Variants in TAFA3 observed in about 807,000 individuals in gnomAD.
The protein encoded by TAFA3 is chemokine-like protein TAFA-3.
Under a neutral mutation model 20.7 loss-of-function variants are expected in TAFA3, and 17 were observed. That is an observed-to-expected ratio of 0.82 (90% CI 0.56 to 1.23). TAFA3 has a LOEUF of 1.23. TAFA3 is among the 50% of genes most tolerant of loss of function. The pLI, the probability that TAFA3 is intolerant of heterozygous loss-of-function variation, is 0.00. For missense variants in TAFA3, 174 were observed against 172.8 expected, an observed-to-expected ratio of 1.01 and a Z score of -0.04; for synonymous variants, 74 against 71.8, an observed-to-expected ratio of 1.03 and a Z score of -0.16.
In TAFA3 at chr1:112,723,445, C is replaced by T. The variant is rs117257087; in HGVS notation, c.265+280C>T. Reference sequence around the variant, plus strand: ...CCCTCACACAGCCCCACTCCTCTCCCCACACACTTCCTCCAGCTCCTTCCC... The same window carrying T: ...CCCTCACACAGCCCCACTCCTCTCCTCACACACTTCCTCCAGCTCCTTCCC... On this transcript the variant is annotated intron_variant, in intron 4 of 5. Coordinates refer to ENST00000361886, the MANE Select transcript of TAFA3 (RefSeq NM_182759.3). Among the ~76,000 whole-genome samples, 179 of 152,268 alleles carry T rather than the reference C, an allele frequency of 1.2e-3. 2 individuals carry two copies. In the East Asian group the frequency reaches 0.013, roughly 11 times the overall value.
chr1:112,726,034 G>A (rs1675463443), intron 5 of TAFA3, among the ~76,000 whole-genome samples: 1 of 152,190 alleles, frequency 6.6e-6, no homozygotes, highest in Admixed American at 6.5e-5. Context: ...CTACTTGGGA[G>A]GCTGAGGCAG....
At chr1:112,723,391 C>T (rs1238565520) in intron 4 of TAFA3, among the ~76,000 whole-genome samples, 1 of 152,132 alleles carries the variant, frequency 6.6e-6, no homozygotes, top group Non-Finnish European at 1.5e-5. Context: ...ACTCACGTGC[C>T]CTCTGCCTGT....
intron 1 of TAFA3, among the ~76,000 whole-genome samples, chr1:112,719,971 GA>G (rs1229807596): frequency 1.3e-5 from 2 of 152,192 alleles, no homozygotes; most frequent in Non-Finnish European, 2.9e-5. Context: ...CCTCCCTTTA[GA>G]GAGGTGAGGG....
chr1:112,722,390 G>A, intron 3 of TAFA3, 42 bp downstream of exon 3: 3 of 1,548,646 alleles, frequency 1.9e-6, no homozygotes, highest in Non-Finnish European at 2.7e-6. Context: ...AGTTTCCCAG[G>A]ACACCTGGGG....
rs2101505296 is a variant in TAFA3, at chr1:112,726,770, C to T, written c.*130C>T. ...CATGTCAAATGCAGCATCAGTCTTTCCGGGGCATTTCAGTTAAGCTGCTCA... is the reference window on the plus strand; with the variant it reads ...CATGTCAAATGCAGCATCAGTCTTTTCGGGGCATTTCAGTTAAGCTGCTCA... On this transcript the variant is annotated 3_prime_UTR_variant, in exon 6 of 6. Transcript: ENST00000361886. 2.1e-6 allele frequency: 3 copies of T among 1,441,626 alleles called. No homozygotes were observed. Among genetic ancestry groups the T allele is most frequent in the Non-Finnish European group, 2.9e-6 (3 of 1,030,304 alleles). The allele number at this position is 1,441,626 out of a possible 1,614,324, so 89.3% of individuals were successfully genotyped here.
At chr1:112,722,841 T>C (rs535775124) in intron 3 of TAFA3, among the ~76,000 whole-genome samples, 175 bp from the exon 4 acceptor site, 4 of 151,866 alleles carry the variant, frequency 2.6e-5, no homozygotes, top group Non-Finnish European at 4.4e-5. Context: ...GGAGGAAGAA[T>C]AGGAGCTCTG....
At position 112,719,140 on chromosome 1, in the gene TAFA3, G is replaced by A. The variant is rs1227682271; in HGVS notation, c.-219G>A. Among the ~76,000 whole-genome samples the A allele has an allele frequency of 6.6e-6, 1 of 152,270 alleles. No homozygotes were observed. On this transcript the variant is annotated 5_prime_UTR_variant, in exon 1 of 6. Coordinates refer to ENST00000361886, the MANE Select transcript of TAFA3 (RefSeq NM_182759.3). ...CTGACCAGAACCCCGCTGTCCCGGG[G>A]GCGCAGCAACTTGGTGAAGGGGACA... is the stretch of plus-strand genomic sequence containing the variant.
chr1:112,719,738 C>T, intron 1 of TAFA3, among the ~76,000 whole-genome samples: 1 of 152,062 alleles, frequency 6.6e-6, no homozygotes, highest in East Asian at 1.9e-4. Context: ...TTGTGATGGT[C>T]AAAAGGAGGG....
chr1:112,719,734 T>C (rs1231495848), intron 1 of TAFA3, among the ~76,000 whole-genome samples: 2 of 152,022 alleles, frequency 1.3e-5, no homozygotes, highest in Non-Finnish European at 2.9e-5. Flanking sequence ...GCATTTGTGA[T>C]GGTCAAAAGG....
At chr1:112,721,879 T>C (rs1675337049) in intron 2 of TAFA3, among the ~76,000 whole-genome samples, 1 of 152,222 alleles carries the variant, frequency 6.6e-6, no homozygotes, top group African/African-American at 2.4e-5. Context: ...AATGTTGCTT[T>C]GTAGGACAGT....
chr1:112,722,483 C>G (rs1350708372), intron 3 of TAFA3, 135 bp downstream of exon 3: 2 of 716,638 alleles, frequency 2.8e-6, no homozygotes, highest in Non-Finnish European at 4.6e-6. Flanking sequence ...GGTTCCGGCT[C>G]CTCCTCTGCT....
chr1:112,722,452 G>C (rs1312752763), intron 3 of TAFA3, 104 bp downstream of exon 3: 2 of 951,606 alleles, frequency 2.1e-6, no homozygotes, highest in Admixed American at 2.3e-5. Flanking sequence ...CCCAGGCAGA[G>C]TAAAATCCAG....
rs1675490281 is a variant in TAFA3 at position 112,727,060 on chromosome 1, G to A, written c.*420G>A. On this transcript the variant is annotated 3_prime_UTR_variant, in exon 6 of 6. Transcript: ENST00000361886. ...TGGCCACAGGGCATAGAAACAAGAG[G>A]TCACATTCAGCACCCACCACCTCCC... 5.2e-6 allele frequency: 1 copy of A among 193,962 alleles called. No individual in the cohort carries two copies. The highest frequency in any genetic ancestry group is 2.3e-5 in the African/African-American group (1 of 42,576). 12.0% of individuals were successfully genotyped at this position (193,962 alleles called of 1,614,324 possible).
chr1:112,720,844 G>A (rs543760140), intron 2 of TAFA3, among the ~76,000 whole-genome samples: 5 of 152,308 alleles, frequency 3.3e-5, no homozygotes, highest in East Asian at 1.9e-4. Context: ...CCCTTCAATG[G>A]CTGGGCAGCT....
At position 112,722,262 on chromosome 1, in the gene TAFA3, G is replaced by A; in HGVS notation, c.29G>A (p.Ser10Asn). 1 of 1,614,132 alleles carries A rather than the reference G, an allele frequency of 6.2e-7. No individual in the cohort carries two copies. Among genetic ancestry groups the A allele is most frequent in the East Asian group, 2.2e-5 (1 of 44,876 alleles). MSERVERNW[S>N]TGGWLLALCL... ...AGTGAGAGGGTCGAGCGGAACTGGA[G>A]CACGGGCGGCTGGCTGCTGGCACTG... Residue 10 changes from serine (S) to asparagine (N), a missense_variant, in exon 3 of 6, where the codon AGC becomes AAC. Transcript: ENST00000361886.
rs1477049795 is a variant in TAFA3, at chr1:112,726,716, AG to A, written c.*78del. The A allele has an allele frequency of 5.0e-6, 8 of 1,611,272 alleles. No individual in the cohort carries two copies. The highest frequency in any genetic ancestry group is 6.8e-6 in the Non-Finnish European group (8 of 1,177,580). ...GAAGAATGGTATCCAGTCATCAGCC[AG>A]GAAAGATGGGGATTCACTTACATGC... On this transcript the variant is annotated 3_prime_UTR_variant, in exon 6 of 6. Transcript: ENST00000361886.
At chr1:112,726,545 C>T (rs1675475582) in intron 5 of TAFA3, 84 bp from the exon 6 acceptor site, 2 of 1,438,724 alleles carry the variant, frequency 1.4e-6, no homozygotes, top group South Asian at 1.2e-5. Flanking sequence ...CTCTAAGTGA[C>T]CTGCATATTC....
intron 3 of TAFA3, among the ~76,000 whole-genome samples, chr1:112,722,760 T>C (rs967421039): frequency 6.6e-6 from 1 of 152,084 alleles, no homozygotes; most frequent in African/African-American, 2.4e-5. Context: ...GCGGGGCTGG[T>C]GCGGGACTCT....
intron 5 of TAFA3, 53 bp downstream of exon 5, chr1:112,724,190 C>A: frequency 1.4e-6 from 2 of 1,467,978 alleles, no homozygotes; most frequent in Non-Finnish European, 1.8e-6. Flanking sequence ...CTACCAAGGG[C>A]AGAAAAGGGG....
Sources: allele counts gnomAD v4.1 joint callset (sites outside exome capture counted in the v4.1 genomes callset), GRCh38; gene constraint gnomAD v4.1.1; transcripts MANE v1.5; gene names NCBI Gene and HGNC (gene_info 2026-07-23, HGNC 2026-07-21).